PDE10A: variants seen among roughly 807,000 people sequenced by gnomAD.
PDE10A encodes phosphodiesterase 10A, also known as cAMP and cAMP-inhibited cGMP 3',5'-cyclic phosphodiesterase 10A.
In PDE10A, 39 loss-of-function variants were observed where a neutral mutation model predicts 97.7. The ratio of observed to expected loss-of-function variants is 0.40; its 90% CI spans 0.31 to 0.52. The LOEUF (loss-of-function observed/expected upper bound fraction) is 0.52. Among genes scored for constraint, PDE10A ranks in the 20% least tolerant of loss-of-function variants. The pLI is 0.56. For missense variants in PDE10A, 731 were observed against 1,047.8 expected (o/e 0.70, Z 4.17); for synonymous variants, 371 against 376.8 (o/e 0.98, Z 0.18).
intron 1 of PDE10A, among the ~76,000 whole-genome samples, chr6:165,572,905 C>T (rs770934503): frequency 2.0e-5 from 3 of 152,242 alleles, no homozygotes; most frequent in Non-Finnish European, 2.9e-5. Context: ...CTGTAGAGTG[C>T]TAATTGTAAT....
chr6:165,487,077 C>T (rs554018318), intron 2 of PDE10A, among the ~76,000 whole-genome samples: 1 of 152,312 alleles, frequency 6.6e-6, no homozygotes, highest in South Asian at 2.1e-4. Flanking sequence ...TGAATAAGCC[C>T]GGTAAACTGA....
At chr6:165,719,509 G>A (rs1792111016) in intron 1 of PDE10A, among the ~76,000 whole-genome samples, 1 of 152,210 alleles carries the variant, frequency 6.6e-6, no homozygotes, top group Non-Finnish European at 1.5e-5. Flanking sequence ...AACATGTTGT[G>A]GTAGGATAGA....
At chr6:165,546,184 T>C (rs1429702904) in intron 1 of PDE10A, among the ~76,000 whole-genome samples, 1 of 151,998 alleles carries the variant, frequency 6.6e-6, no homozygotes, top group Non-Finnish European at 1.5e-5. Flanking sequence ...ATTACACAAT[T>C]CCAACTATAC....
intron 1 of PDE10A, among the ~76,000 whole-genome samples, chr6:165,945,387 T>C (rs1285216924): frequency 6.6e-6 from 1 of 152,216 alleles, no homozygotes; most frequent in African/African-American, 2.4e-5. Flanking sequence ...AAACAATATA[T>C]GCTTGTTTGT....
At chr6:165,851,446 A>C (rs746335313) in intron 1 of PDE10A, among the ~76,000 whole-genome samples, 4 of 152,220 alleles carry the variant, frequency 2.6e-5, no homozygotes, top group Non-Finnish European at 5.9e-5. Flanking sequence ...CCCAGGCATT[A>C]ACTGAGCACA....
chr6:165,536,301 T>C (rs1027616770), intron 2 of PDE10A, among the ~76,000 whole-genome samples: 27 of 151,842 alleles, frequency 1.8e-4, no homozygotes. Context: ...TCTCACCTTA[T>C]ACATAAATCA....
At chr6:165,779,814 C>A (rs568718245) in intron 1 of PDE10A, among the ~76,000 whole-genome samples, 38 of 152,280 alleles carry the variant, frequency 2.5e-4, no homozygotes, top group African/African-American at 8.7e-4. Context: ...GACTCTTCTT[C>A]CCACGTGGCC....
At chr6:165,613,489 A>T (rs1285707172) in intron 1 of PDE10A, among the ~76,000 whole-genome samples, 1 of 151,954 alleles carries the variant, frequency 6.6e-6, no homozygotes, top group Non-Finnish European at 1.5e-5. Context: ...AAATACAAAA[A>T]TTAGCCAGGC....
chr6:165,933,220 G>A (rs765750534), intron 1 of PDE10A, among the ~76,000 whole-genome samples: 7 of 152,164 alleles, frequency 4.6e-5, no homozygotes, highest in South Asian at 2.1e-4. Flanking sequence ...CAGTCCCTAT[G>A]TTGTCAGTGG....
Position 165,819,821 on chromosome 6 carries a change from G to T in PDE10A, c.-615+167708C>A, listed in dbSNP as rs1001268562. 3.3e-5 allele frequency among the ~76,000 whole-genome samples: 5 copies of T among 152,176 alleles called. No individual in the cohort carries two copies. The highest frequency in any genetic ancestry group is 1.2e-4 in the African/African-American group (5 of 41,434). On this transcript the variant is annotated intron_variant, in intron 1 of 19. Transcript: ENST00000366882. The surrounding 1 kb of genome is among the most constrained non-coding windows in gnomAD (Gnocchi z 4.2). ...GGTCTCAAGAAAGCTTTCCTTAAAT[G>T]AATACATGAATGAATGATGGACTGA...
chr6:165,740,287 A>C (rs1198784120), intron 1 of PDE10A, among the ~76,000 whole-genome samples: 1 of 150,688 alleles, frequency 6.6e-6, no homozygotes, highest in Non-Finnish European at 1.5e-5. Context: ...ACACATATAC[A>C]ATGGAATACA....
intron 1 of PDE10A, among the ~76,000 whole-genome samples, chr6:165,864,823 A>C (rs1049081955): frequency 6.6e-6 from 1 of 152,248 alleles, no homozygotes; most frequent in Non-Finnish European, 1.5e-5. Context: ...AAAACATCAA[A>C]TGAAGAATTT....
intron 2 of PDE10A, among the ~76,000 whole-genome samples, chr6:165,512,754 G>C (rs1231574899): frequency 1.3e-5 from 2 of 152,100 alleles, no homozygotes; most frequent in African/African-American, 4.8e-5. Context: ...TTAAGAAACT[G>C]ACAAACTGTT....
At chr6:165,791,667 G>A (rs1778653728) in intron 1 of PDE10A, among the ~76,000 whole-genome samples, 2 of 152,188 alleles carry the variant, frequency 1.3e-5, no homozygotes, top group African/African-American at 4.8e-5. Flanking sequence ...GATCAGCGCA[G>A]TCTCACAGCT....
In PDE10A at chr6:165,958,557, GAA is replaced by G. The variant is rs1562327220; in HGVS notation, c.-615+28970_-615+28971del. Reference sequence around the variant, plus strand: ...AGAAAGAAAGAAAGAAAGAAAGAAAGAAAGAAAGACAGACAGAAAGAAAGACA... The same window carrying G: ...AGAAAGAAAGAAAGAAAGAAAGAAAGAGAAAGACAGACAGAAAGAAAGACA... On this transcript the variant is annotated intron_variant, in intron 1 of 19. Transcript: ENST00000366882. Among the ~76,000 whole-genome samples the G allele has an allele frequency of 1.1e-3, 21 of 19,708 alleles. 2 individuals carry two copies. Among genetic ancestry groups the G allele is most frequent in the South Asian group, 1.7e-3 (1 of 582 alleles). 12.9% of individuals were successfully genotyped at this position (19,708 alleles called of 152,430 possible). A position where few individuals can be genotyped will look rare whatever the true frequency, so the allele number is the denominator to read the frequency against.
intron 1 of PDE10A, among the ~76,000 whole-genome samples, chr6:165,686,790 C>A (rs956935308): frequency 1.3e-5 from 2 of 152,182 alleles, no homozygotes; most frequent in Non-Finnish European, 2.9e-5. Flanking sequence ...CCGGTCGGTC[C>A]TTACGGGCAT....
chr6:165,508,380 T>C (rs1781322568), intron 2 of PDE10A, among the ~76,000 whole-genome samples: 1 of 152,046 alleles, frequency 6.6e-6, no homozygotes, highest in Admixed American at 6.6e-5. Context: ...ATCCACACTG[T>C]TGCCTGTATC....
chr6:165,706,016 C>T (rs185332379), intron 1 of PDE10A, among the ~76,000 whole-genome samples: 93 of 152,238 alleles, frequency 6.1e-4, no homozygotes, highest in Non-Finnish European at 9.7e-4. Flanking sequence ...GTGTTCTCTG[C>T]GAAGGGCGGC....
At chr6:165,491,973 CAAGAA>C (rs1368601079) in intron 2 of PDE10A, among the ~76,000 whole-genome samples, 2 of 151,528 alleles carry the variant, frequency 1.3e-5, no homozygotes, top group African/African-American at 4.9e-5. Context: ...CAAGATTAAC[CAAGAA>C]AAGAAGAGAG....
Sources: gnomAD v4.1 joint callset for allele counts (sites outside exome capture counted in the v4.1 genomes callset) on GRCh38, gnomAD v4.1.1 for gene constraint, Gnocchi (gnomAD v3.1) non-coding constraint, MANE v1.5 for transcripts, NCBI Gene and HGNC (gene_info 2026-07-23, HGNC 2026-07-21) for gene names.